SNX15: variants seen among roughly 807,000 people sequenced by gnomAD.
The protein encoded by SNX15 is sorting nexin-15.
SNX15 carries 29 observed loss-of-function variants against 35.2 expected under a neutral mutation model. The observed-to-expected ratio is 0.82, with a 90% CI of 0.61 to 1.12. SNX15 has a LOEUF of 1.12. Among genes scored for constraint, SNX15 ranks in the 50% most tolerant of loss-of-function variants. The probability of loss-of-function intolerance (pLI) is 0.00; values close to 1 mark genes in which losing one functional copy is unlikely to be tolerated. For missense variants in SNX15, 400 were observed against 451.5 expected (o/e 0.89, Z 1.03); for synonymous variants, 189 against 188.2 (o/e 1.00, Z -0.03).
chr11:65,039,174 C>A (rs1590743964), intron 7 of SNX15, among the ~76,000 whole-genome samples: 1 of 149,970 alleles, frequency 6.7e-6, no homozygotes, highest in Non-Finnish European at 1.5e-5. Context: ...CAGGCGCCCA[C>A]CACCATGCCT....
chr11:65,038,693 A>G lies in SNX15; in HGVS notation c.786A>G (p.Gly262=). 1 of 1,610,114 alleles carries G rather than the reference A, an allele frequency of 6.2e-7. No homozygotes were observed. Among genetic ancestry groups the G allele is most frequent in the Non-Finnish European group, 8.5e-7 (1 of 1,178,384 alleles). The part of the protein sequence containing the change: ...GGQEEEEDGE[G]GPTPAYLSQA... Reference sequence around the variant, plus strand: ...AGGAGGAGGAAGAGGATGGGGAAGGAGGGCCCACCCCTGCCTACCTAAGCC... The same window carrying G: ...AGGAGGAGGAAGAGGATGGGGAAGGGGGGCCCACCCCTGCCTACCTAAGCC... The change falls in exon 7 of 8, where the codon GGA becomes GGG. Residue 262 remains glycine (G), a synonymous_variant. Coordinates refer to ENST00000377244, the MANE Select transcript of SNX15 (RefSeq NM_013306.5).
chr11:65,039,616 G>A, intron 7 of SNX15, 70 bp from the exon 8 acceptor site: 1 of 934,564 alleles, frequency 1.1e-6, no homozygotes, highest in Non-Finnish European at 1.7e-6. Flanking sequence ...GAATTGTAAA[G>A]GACCCGACCA....
intron 6 of SNX15, 100 bp from the exon 7 acceptor site, chr11:65,038,472 C>T (rs1240041049): frequency 4.2e-6 from 6 of 1,429,640 alleles, no homozygotes; most frequent in Non-Finnish European, 3.7e-6. Flanking sequence ...CTACTGGGGA[C>T]AGGCTGATAC....
chr11:65,029,866 C>T (rs1266826407), intron 1 of SNX15, among the ~76,000 whole-genome samples: 2 of 151,936 alleles, frequency 1.3e-5, no homozygotes, highest in African/African-American at 2.4e-5. Flanking sequence ...TGTGAACCAC[C>T]GCGCCTGGCC....
intron 5 of SNX15, 44 bp downstream of exon 5, chr11:65,035,250 A>G: frequency 6.7e-7 from 1 of 1,503,718 alleles, no homozygotes; most frequent in South Asian, 1.3e-5. Flanking sequence ...GAGGGTGCAG[A>G]GTGGGGAGGG....
At chr11:65,034,137 G>A (rs771805297) in intron 3 of SNX15, among the ~76,000 whole-genome samples, 1 of 152,200 alleles carries the variant, frequency 6.6e-6, no homozygotes, top group Non-Finnish European at 1.5e-5. Context: ...ACCTAGGACA[G>A]AGCAGTGAAA....
chr11:65,031,323 A>G (rs1946437536), intron 1 of SNX15, among the ~76,000 whole-genome samples: 1 of 152,192 alleles, frequency 6.6e-6, no homozygotes, highest in South Asian at 2.1e-4. Flanking sequence ...CGTGCCTGGC[A>G]TAGGAGATGT....
chr11:65,035,211 A>T lies in SNX15; in HGVS notation c.520+5A>T. 6.4e-7 allele frequency: 1 copy of T among 1,568,998 alleles called. No homozygotes were observed. Among genetic ancestry groups the T allele is most frequent in the Non-Finnish European group, 8.6e-7 (1 of 1,161,878 alleles). ...TCGAGGAATTGGAGGTGCCAGGTAC[A>T]TCGGGGTGGGAGGAGGGAACCAGGG... On this transcript the variant is annotated splice_donor_5th_base_variant and intron_variant, in intron 5 of 7. Coordinates refer to ENST00000377244, the MANE Select transcript of SNX15 (RefSeq NM_013306.5).
chr11:65,035,742 T>G (rs2136936987), intron 6 of SNX15, 79 bp downstream of exon 6: 1 of 1,451,434 alleles, frequency 6.9e-7, no homozygotes, highest in East Asian at 2.3e-5. Context: ...CCCACTAGCC[T>G]GCTCAGTGCC....
intron 3 of SNX15, 51 bp downstream of exon 3, chr11:65,032,602 A>C (rs777548079): frequency 4.3e-6 from 7 of 1,610,636 alleles, no homozygotes; most frequent in Non-Finnish European, 4.2e-6. Flanking sequence ...AGCATTGGGC[A>C]AAAGGGGACC....
In SNX15 at chr11:65,039,745, C is replaced by G; in HGVS notation, c.982C>G (p.Arg328Gly). The change falls in exon 8 of 8, where the codon CGG (arginine) becomes GGG (glycine). Residue 328 changes from arginine (R) to glycine (G), a missense_variant. By Grantham distance (125) the Arg-to-Gly change is moderately radical (BLOSUM62 -2). Transcript: ENST00000377244. The part of the protein sequence containing the change: ...VKKKAAEYLK[R>G]AEEILRLHLS... ...GAAGAAGGCAGCTGAGTACCTGAAG[C>G]GGGCAGAGGAGATCCTGCGCCTGCA... is the stretch of plus-strand genomic sequence containing the variant. The G allele has an allele frequency of 6.2e-7, 1 of 1,613,564 alleles. No individual in the cohort carries two copies. Among genetic ancestry groups the G allele is most frequent in the African/African-American group, 1.3e-5 (1 of 75,014 alleles).
intron 6 of SNX15, 79 bp from the exon 7 acceptor site, chr11:65,038,493 A>G (rs1322149435): frequency 1.3e-6 from 2 of 1,481,488 alleles, no homozygotes; most frequent in Admixed American, 5.0e-5. Context: ...CCTGATGGAC[A>G]AAAGAAGTCT....
At chr11:65,030,918 A>T (rs497023) in intron 1 of SNX15, among the ~76,000 whole-genome samples, 18,663 of 152,212 alleles carry the variant, frequency 0.12, 1,522 homozygotes, top group South Asian at 0.23. Context: ...TGTGTGGTCT[A>T]CTATGGCCAC....
At position 65,027,630 on chromosome 11, in the gene SNX15, C is replaced by T; in HGVS notation, c.93C>T (p.Thr31=). ...AGGGCTACACCGAGTACAAAGTAACCGCGCAGGTGAGGTGGGGCCCAGCGC... is the reference window on the plus strand; with the variant it reads ...AGGGCTACACCGAGTACAAAGTAACTGCGCAGGTGAGGTGGGGCCCAGCGC... ...HPKGYTEYKV[T]AQFISKKDPE... is the part of the protein sequence containing the mutation. The change falls in exon 1 of 8, where the codon ACC becomes ACT. Residue 31 remains threonine (T), a synonymous_variant. Transcript: ENST00000377244. 6.2e-7 allele frequency: 1 copy of T among 1,612,972 alleles called. No homozygotes were observed. The highest frequency in any genetic ancestry group is 8.5e-7 in the Non-Finnish European group (1 of 1,179,058).
At chr11:65,031,896 C>CAA (rs928440721) in intron 1 of SNX15, among the ~76,000 whole-genome samples, 1 of 143,034 alleles carries the variant, frequency 7.0e-6, no homozygotes, top group Non-Finnish European at 1.5e-5. Context: ...GACTCCATCT[C>CAA]AAAAAAAAAA....
Position 65,034,832 on chromosome 11 carries a change from T to C in SNX15, c.257-15T>C. 1.2e-6 allele frequency: 2 copies of C among 1,607,542 alleles called. No individual in the cohort carries two copies. Among genetic ancestry groups the C allele is most frequent in the Non-Finnish European group, 1.7e-6 (2 of 1,174,514 alleles). On this transcript the variant is annotated splice_polypyrimidine_tract_variant and intron_variant, in intron 3 of 7. Coordinates refer to ENST00000377244, the MANE Select transcript of SNX15 (RefSeq NM_013306.5). ...CACCGCCACTCTCCCCTGTTCCTTG[T>C]CCTGGGGGCCGTAGGCCGGTTTGAA...
chr11:65,035,511 C>T lies in SNX15; in HGVS notation c.521-9C>T. On this transcript the variant is annotated splice_polypyrimidine_tract_variant and intron_variant, in intron 5 of 7. Coordinates refer to ENST00000377244, the MANE Select transcript of SNX15 (RefSeq NM_013306.5). ...CAGGTATTCATGACCCCACTTATCT[C>T]TTCCTCAGTGGACCCCCCACCATCC... is the stretch of plus-strand genomic sequence containing the variant. The T allele has an allele frequency of 6.3e-7, 1 of 1,579,532 alleles. No individual in the cohort carries two copies. Among genetic ancestry groups the T allele is most frequent in the Non-Finnish European group, 8.6e-7 (1 of 1,166,696 alleles).
At chr11:65,027,773 A>G (rs1946390906) in intron 1 of SNX15, 137 bp downstream of exon 1, 3 of 664,924 alleles carry the variant, frequency 4.5e-6, no homozygotes, top group Admixed American at 2.6e-5. Context: ...AGGTTGCAGT[A>G]CGAGGCTTAG....
At chr11:65,032,052 A>G (rs1946445453) in intron 1 of SNX15, 116 bp from the exon 2 acceptor site, 3 of 999,546 alleles carry the variant, frequency 3.0e-6, no homozygotes, top group Non-Finnish European at 4.6e-6. Flanking sequence ...CCAGAGGCCA[A>G]TGGCCAAAGG....
Sources: gnomAD v4.1 joint callset for allele counts (sites outside exome capture counted in the v4.1 genomes callset) on GRCh38, gnomAD v4.1.1 for gene constraint, MANE v1.5 for transcripts, NCBI Gene and HGNC (gene_info 2026-07-23, HGNC 2026-07-21) for gene names.